The following VSIG10 variants were observed in gnomAD, a reference collection of about 807,000 sequenced individuals.
The protein encoded by VSIG10 is V-set and immunoglobulin domain-containing protein 10.
VSIG10 carries 48 observed loss-of-function variants against 58.7 expected under a neutral mutation model. The ratio of observed to expected loss-of-function variants is 0.82; its 90% confidence interval spans 0.65 to 1.04. VSIG10 has a LOEUF of 1.04. VSIG10 is among the 50% of genes least tolerant of loss of function. VSIG10 has a pLI of 0.00. For missense variants in VSIG10, 628 were observed against 670.0 expected (o/e 0.94, Z 0.69); for synonymous variants, 260 against 267.1 (o/e 0.97, Z 0.26).
chr12:118,076,187 G>C (rs1440439809), intron 4 of VSIG10, among the ~76,000 whole-genome samples: 1 of 152,128 alleles, frequency 6.6e-6, no homozygotes, highest in Admixed American at 6.6e-5. Context: ...TGGAGGCCAG[G>C]AGTCTAGAAC....
chr12:118,076,476 T>C (rs1027372937), intron 4 of VSIG10, among the ~76,000 whole-genome samples: 1 of 151,706 alleles, frequency 6.6e-6, no homozygotes, highest in African/African-American at 2.4e-5. Flanking sequence ...ATATTTGGAG[T>C]TACAATTCAA....
chr12:118,084,967 C>G (rs981754516), intron 2 of VSIG10, among the ~76,000 whole-genome samples: 1 of 152,036 alleles, frequency 6.6e-6, no homozygotes, highest in South Asian at 2.1e-4. Context: ...TGCAGTGAGC[C>G]GAGATCGCGC....
Position 118,066,210 on chromosome 12 carries a change from C to T in VSIG10, c.*429G>A, listed in dbSNP as rs1252461537. On this transcript the variant is annotated 3_prime_UTR_variant, in exon 9 of 9. Transcript: ENST00000359236. ...GTGGTGAGCCAAGATCGTGCCATTG[C>T]ACTCCAGCCTGGGCAATAGAGGGAG... 2.6e-5 allele frequency: 4 copies of T among 154,156 alleles called. No homozygotes were observed. The highest frequency in any genetic ancestry group is 5.2e-5 in the Non-Finnish European group (4 of 76,270). The allele number at this position is 154,156 out of a possible 1,614,324, so 9.5% of individuals were successfully genotyped here.
intron 1 of VSIG10, 81 bp from the exon 2 acceptor site, chr12:118,095,895 G>C: frequency 7.6e-7 from 1 of 1,322,832 alleles, no homozygotes; most frequent in Non-Finnish European, 1.0e-6. Context: ...TCCTGTATTA[G>C]GATTTTTTTA....
At chr12:118,069,782 C>T (rs187572421) in intron 7 of VSIG10, among the ~76,000 whole-genome samples, 47 of 152,244 alleles carry the variant, frequency 3.1e-4, no homozygotes, top group South Asian at 8.3e-4. Flanking sequence ...GTCACCTGCC[C>T]GAGGAGCTGT....
At chr12:118,102,568 GTTA>G (rs2033648333) in intron 1 of VSIG10, 1 of 151,716 alleles carries the variant, frequency 6.6e-6, no homozygotes, top group South Asian at 2.1e-4. Flanking sequence ...ATCTAGAGAT[GTTA>G]TTGTTTTTAA....
intron 2 of VSIG10, among the ~76,000 whole-genome samples, chr12:118,093,037 C>T (rs1343972568): frequency 6.6e-6 from 1 of 151,840 alleles, no homozygotes; most frequent in African/African-American, 2.4e-5. Flanking sequence ...CGCCTGTAAT[C>T]CCAGCACTTT....
chr12:118,102,495 A>G (rs2033646887), intron 1 of VSIG10: 1 of 152,184 alleles, frequency 6.6e-6, no homozygotes, highest in Admixed American at 6.6e-5. Flanking sequence ...CCACTGCCCA[A>G]TTCCAACTGG....
rs1252924517 is a variant in VSIG10, at chr12:118,063,770, C to A, written c.*2869G>T. ...CCAACGTGAGAAATATCAGTTGGCA[C>A]TTATTGCATCATAATACATTTTGCC... On this transcript the variant is annotated 3_prime_UTR_variant, in exon 9 of 9. Coordinates refer to ENST00000359236, the MANE Select transcript of VSIG10 (RefSeq NM_019086.6). 2.0e-5 allele frequency: 3 copies of A among 152,290 alleles called. No homozygotes were observed. The highest frequency in any genetic ancestry group is 1.3e-4 in the Admixed American group (2 of 15,296). The allele number at this position is 152,290 out of a possible 1,614,324, so 9.4% of individuals were successfully genotyped here.
chr12:118,085,845 T>A (rs1287988559), intron 2 of VSIG10, among the ~76,000 whole-genome samples: 1 of 137,556 alleles, frequency 7.3e-6, no homozygotes, highest in Non-Finnish European at 1.5e-5. Context: ...AGAGCGAGAC[T>A]TCGTCTCAAA....
At chr12:118,083,414 C>T (rs7980093) in intron 2 of VSIG10, among the ~76,000 whole-genome samples, 3,908 of 151,780 alleles carry the variant, frequency 0.026, 70 homozygotes, top group Middle Eastern at 0.086. Context: ...CATGTCTCTA[C>T]AAAAAATACC....
rs35469920 is a variant in VSIG10, at chr12:118,078,937, T to TAAAAAAAAAAA, written c.925+398_925+408dup. ...CTGGGCAACAGAGCAAGACTCTGCC[T>TAAAAAAAAAAA]AAAAAAAAAAAAAAAAAAAAAAAAA... On this transcript the variant is annotated intron_variant, in intron 4 of 8. Coordinates refer to ENST00000359236, the MANE Select transcript of VSIG10 (RefSeq NM_019086.6). Among the ~76,000 whole-genome samples, 94 of 39,912 alleles carry TAAAAAAAAAAA rather than the reference T, an allele frequency of 2.4e-3. 4 individuals carry two copies. The highest frequency in any genetic ancestry group is 7.6e-3 in the African/African-American group (82 of 10,770). The allele number at this position is 39,912 out of a possible 152,430, so 26.2% of individuals were successfully genotyped here. A position where few individuals can be genotyped will look rare whatever the true frequency, so the allele number is the denominator to read the frequency against.
Position 118,103,584 on chromosome 12 carries a change from G to A in VSIG10, c.79+9C>T. On this transcript the variant is annotated intron_variant, in intron 1 of 8. Coordinates refer to ENST00000359236, the MANE Select transcript of VSIG10 (RefSeq NM_019086.6). ...ACTCAACTTTTCCCTCCAGATCGCG[G>A]CCCCTTACCTACGGCGACCCAGCCG... is the stretch of plus-strand genomic sequence containing the variant. 3 of 1,519,082 alleles carry A rather than the reference G, an allele frequency of 2.0e-6. No individual in the cohort carries two copies. The highest frequency in any genetic ancestry group is 2.6e-6 in the Non-Finnish European group (3 of 1,138,980). The allele number at this position is 1,519,082 out of a possible 1,614,324, so 94.1% of individuals were successfully genotyped here. A position where few individuals can be genotyped will look rare whatever the true frequency, so the allele number is the denominator to read the frequency against.
rs150561165 is a variant in VSIG10 at position 118,071,065 on chromosome 12, C to G, written c.1333G>C (p.Gly445Arg). The G allele has an allele frequency of 5.9e-3, 9,405 of 1,599,032 alleles. 50 individuals carry two copies. The highest frequency in any genetic ancestry group is 7.3e-3 in the Non-Finnish European group (8,524 of 1,172,396). Reference protein sequence around the residue: ...HYSPVFCWKVGNTSRGQNMDD... With the variant: ...HYSPVFCWKVRNTSRGQNMDD... ...GGGAACACTCACCTGGAAGTGTTTC[C>G]TACTGAAGAGAGAAAGGAAAAACCA... The change falls in exon 7 of 9, where the codon GGA becomes CGA. Residue 445 changes from glycine (G) to arginine (R), a missense_variant and splice_region_variant. Physicochemically the swap from Gly to Arg is moderately radical, Grantham distance 125. Transcript: ENST00000359236.
At chr12:118,080,592 AT>A (rs1182914741) in intron 3 of VSIG10, among the ~76,000 whole-genome samples, 1 of 152,312 alleles carries the variant, frequency 6.6e-6, no homozygotes, top group East Asian at 1.9e-4. Flanking sequence ...CCCGGTGCCT[AT>A]GACAGCCACA....
At chr12:118,089,862 C>T (rs1407566915) in intron 2 of VSIG10, among the ~76,000 whole-genome samples, 2 of 152,138 alleles carry the variant, frequency 1.3e-5, no homozygotes, top group African/African-American at 2.4e-5. Context: ...CTGTCGCCAC[C>T]CTGTCTGGTC....
chr12:118,080,569 C>G (rs1159873472), intron 3 of VSIG10, among the ~76,000 whole-genome samples: 1 of 152,174 alleles, frequency 6.6e-6, no homozygotes, highest in Non-Finnish European at 1.5e-5. Flanking sequence ...TTGTTCATAA[C>G]AGTGCTAGAG....
At chr12:118,069,525 A>C (rs1315114213) in intron 7 of VSIG10, among the ~76,000 whole-genome samples, 3 of 148,192 alleles carry the variant, frequency 2.0e-5, no homozygotes, top group African/African-American at 7.5e-5. Flanking sequence ...TCCCAGGTTC[A>C]AGCAATTCTC....
At chr12:118,092,877 C>A (rs1435867596) in intron 2 of VSIG10, among the ~76,000 whole-genome samples, 1 of 152,080 alleles carries the variant, frequency 6.6e-6, no homozygotes, top group Non-Finnish European at 1.5e-5. Context: ...CTCAAATCAT[C>A]CGTCCGCCTC....
Sources: gnomAD v4.1 joint callset for allele counts (sites outside exome capture counted in the v4.1 genomes callset) on GRCh38, gnomAD v4.1.1 for gene constraint, MANE v1.5 for transcripts, NCBI Gene and HGNC (gene_info 2026-07-23, HGNC 2026-07-21) for gene names.